Variants in CPNE4 observed in about 807,000 individuals in gnomAD.
CPNE4 encodes copine 4, also known as copine-4.
In CPNE4, 25 loss-of-function variants were observed where a neutral mutation model predicts 67.9. That is an observed-to-expected ratio of 0.37 (90% confidence interval 0.27 to 0.51). CPNE4 has a LOEUF of 0.51. Among genes scored for constraint, CPNE4 ranks in the 20% least tolerant of loss-of-function variants. CPNE4 has a pLI of 0.93. For missense variants in CPNE4, 464 were observed against 690.8 expected (o/e 0.67, Z 3.68); for synonymous variants, 242 against 244.9 (o/e 0.99, Z 0.11).
intron 2 of CPNE4, among the ~76,000 whole-genome samples, chr3:131,829,080 AAG>A (rs1337823289): frequency 3.3e-5 from 5 of 152,292 alleles, no homozygotes; most frequent in Admixed American, 3.3e-4. Context: ...GCAGCAGGCA[AAG>A]AGAGAGCTTG....
chr3:131,880,238 C>T (rs1202708865), intron 2 of CPNE4, among the ~76,000 whole-genome samples: 2 of 151,728 alleles, frequency 1.3e-5, no homozygotes, highest in Admixed American at 1.3e-4. Context: ...GCCTCACCCT[C>T]CAAAGTAGCT....
intron 2 of CPNE4, among the ~76,000 whole-genome samples, chr3:131,751,504 T>A (rs2082622962): frequency 6.7e-6 from 1 of 149,700 alleles, no homozygotes; most frequent in Non-Finnish European, 1.5e-5. Flanking sequence ...TTCTTTTTTA[T>A]ACTTCTATTT....
chr3:131,978,446 T>A (rs796096963), intron 1 of CPNE4, among the ~76,000 whole-genome samples: 2 of 2,030 alleles, frequency 9.9e-4, no homozygotes, highest in Admixed American at 3.1e-3. Flanking sequence ...TTATATATAT[T>A]TATATATATA....
chr3:131,797,805 G>T (rs1028164492), intron 2 of CPNE4, among the ~76,000 whole-genome samples: 3 of 152,014 alleles, frequency 2.0e-5, no homozygotes, highest in Non-Finnish European at 4.4e-5. Context: ...CTGTGTAGAG[G>T]CCTGTCTACA....
At chr3:131,655,605 T>G (rs57857740) in intron 7 of CPNE4, among the ~76,000 whole-genome samples, 2 of 152,002 alleles carry the variant, frequency 1.3e-5, no homozygotes, top group Non-Finnish European at 2.9e-5. Context: ...GTGGTCAACA[T>G]AATGTTGAAG....
In CPNE4 at chr3:131,588,135, C is replaced by T. The variant is rs144890842; in HGVS notation, c.682-553G>A. Among the ~76,000 whole-genome samples the T allele has an allele frequency of 2.0e-4, 31 of 152,158 alleles. 1 individual carries two copies. The highest frequency in any genetic ancestry group is 1.5e-3 in the Admixed American group (23 of 15,274). On this transcript the variant is annotated intron_variant, in intron 7 of 15. Transcript: ENST00000429747. ...ATTAGGAAGGCAAAAAATCTTTAAA[C>T]GTACCTATGTGAAAAATGGTTGGAA... is the stretch of plus-strand genomic sequence containing the variant.
chr3:131,782,508 A>G (rs1225250266), intron 2 of CPNE4, among the ~76,000 whole-genome samples: 4 of 152,082 alleles, frequency 2.6e-5, no homozygotes, highest in Admixed American at 2.6e-4. Context: ...ACACACACAC[A>G]TACACAGTAA....
chr3:131,679,609 G>C (rs1399143871), intron 6 of CPNE4, among the ~76,000 whole-genome samples: 2 of 152,148 alleles, frequency 1.3e-5, no homozygotes, highest in Non-Finnish European at 2.9e-5. Context: ...CTGTGTCCCA[G>C]AGATTGTGGT....
chr3:131,973,531 T>C (rs1317162483), intron 1 of CPNE4, among the ~76,000 whole-genome samples: 2 of 152,240 alleles, frequency 1.3e-5, no homozygotes, highest in Admixed American at 1.3e-4. Flanking sequence ...GATACTATTA[T>C]CATCTCCATT....
At chr3:131,793,978 G>C (rs1346883839) in intron 2 of CPNE4, among the ~76,000 whole-genome samples, 2 of 152,158 alleles carry the variant, frequency 1.3e-5, no homozygotes, top group African/African-American at 4.8e-5. Flanking sequence ...GAATTATCAA[G>C]TTAGCTTTTT....
chr3:131,790,457 T>C (rs2083686883), intron 2 of CPNE4, among the ~76,000 whole-genome samples: 1 of 152,182 alleles, frequency 6.6e-6, no homozygotes, highest in Non-Finnish European at 1.5e-5. Flanking sequence ...AGTCACTCCT[T>C]GCCTGGCTCT....
intron 2 of CPNE4, among the ~76,000 whole-genome samples, chr3:131,769,053 GT>G (rs1160507374): frequency 6.6e-6 from 1 of 152,136 alleles, no homozygotes; most frequent in African/African-American, 2.4e-5. Context: ...TCCAGCTTGG[GT>G]TCATCCATTC....
At chr3:131,684,468 A>C (rs1466485796) in intron 6 of CPNE4, among the ~76,000 whole-genome samples, 1 of 152,164 alleles carries the variant, frequency 6.6e-6, no homozygotes, top group Non-Finnish European at 1.5e-5. Context: ...TTCTTTTATT[A>C]AACACTTTTT....
At chr3:131,669,933 C>G (rs2080366301) in intron 6 of CPNE4, among the ~76,000 whole-genome samples, 169 bp from the exon 7 acceptor site, 2 of 152,216 alleles carry the variant, frequency 1.3e-5, no homozygotes, top group Non-Finnish European at 2.9e-5. Flanking sequence ...AGGGTACCCA[C>G]TAAGCAGGTC....
intron 3 of CPNE4, among the ~76,000 whole-genome samples, chr3:131,708,995 T>TATATATATATATATATATATAAAC (rs1366246304): frequency 9.2e-6 from 1 of 109,116 alleles, no homozygotes; most frequent in Non-Finnish European, 1.8e-5. Flanking sequence ...TATATATATA[T>TATATATATATATATATATATAAAC]ACATACACAC....
At position 131,768,594 on chromosome 3, in the gene CPNE4, G is replaced by A. The variant is rs887567017; in HGVS notation, c.181-44969C>T. 7.2e-5 allele frequency among the ~76,000 whole-genome samples: 11 copies of A among 152,258 alleles called. No homozygotes were observed. The South Asian group carries it at 2.3e-3, about 32-fold the overall frequency. Reference sequence around the variant, plus strand: ...TGCTTTAATCAGAAGAGTCCTGGGGGATGTCTGCTAAACAGCTTCATCTCA... The same window carrying A: ...TGCTTTAATCAGAAGAGTCCTGGGGAATGTCTGCTAAACAGCTTCATCTCA... On this transcript the variant is annotated intron_variant, in intron 2 of 15. Transcript: ENST00000429747.
At chr3:131,707,457 G>T (rs1213030216) in intron 3 of CPNE4, among the ~76,000 whole-genome samples, 1 of 152,118 alleles carries the variant, frequency 6.6e-6, no homozygotes, top group Admixed American at 6.5e-5. Flanking sequence ...ATCTGCAAAG[G>T]CTCTTTCAAA....
intron 11 of CPNE4, among the ~76,000 whole-genome samples, chr3:131,563,255 C>T (rs1293817465): frequency 2.0e-5 from 3 of 151,986 alleles, no homozygotes; most frequent in African/African-American, 4.8e-5. Flanking sequence ...CTTTATTTTC[C>T]TGGTTTGAAA....
At chr3:131,953,653 A>T (rs1458995400) in intron 1 of CPNE4, among the ~76,000 whole-genome samples, 2 of 152,228 alleles carry the variant, frequency 1.3e-5, no homozygotes, top group African/African-American at 4.8e-5. Context: ...AGCCAAGCAC[A>T]GAATGACAAA....
Sources: allele counts gnomAD v4.1 joint callset (sites outside exome capture counted in the v4.1 genomes callset), GRCh38; gene constraint gnomAD v4.1.1; transcripts MANE v1.5; gene names NCBI Gene and HGNC (gene_info 2026-07-23, HGNC 2026-07-21).